The following SRD5A2 variants were observed in gnomAD, a reference collection of about 807,000 sequenced individuals.
SRD5A2 encodes the protein steroid 5 alpha-reductase 2.
A neutral mutation model predicts 27.4 loss-of-function variants in SRD5A2; 30 were observed. That is an observed-to-expected ratio of 1.10 (90% CI 0.82 to 1.49). The LOEUF is 1.49. Among genes scored for constraint, SRD5A2 ranks in the 40% most tolerant of loss-of-function variants. SRD5A2 has a pLI of 0.00. For missense variants in SRD5A2, 348 were observed against 323.4 expected (o/e 1.08, Z -0.58); for synonymous variants, 141 against 133.6 (o/e 1.06, Z -0.38).
chr2:31,563,178 C>T (rs1266799542), intron 1 of SRD5A2: 1 of 152,004 alleles, frequency 6.6e-6, no homozygotes, highest in Non-Finnish European at 1.5e-5. Flanking sequence ...AAATACGTCC[C>T]AAAGCATTAC....
the SRD5A2 span, among the ~76,000 whole-genome samples, chr2:31,603,279 G>A: frequency 5.7e-3 from 868 of 152,098 alleles, 6 homozygotes; most frequent in Non-Finnish European, 7.8e-3. Flanking sequence ...CATACATGCT[G>A]TCAACATACA....
rs79861562 is a variant in SRD5A2 at position 31,550,267 on chromosome 2, T to C, written c.282-16501A>G. Among the ~76,000 whole-genome samples, 279 of 152,136 alleles carry C rather than the reference T, an allele frequency of 1.8e-3. 1 individual carries two copies. The highest frequency in any genetic ancestry group is 6.6e-3 in the African/African-American group (273 of 41,562). Reference sequence around the variant, plus strand: ...TTTCAATATCCCCAAAATAGAGATATCCTTGTCCAGATGGCTTTACTGCAG... The same window carrying C: ...TTTCAATATCCCCAAAATAGAGATACCCTTGTCCAGATGGCTTTACTGCAG... On this transcript the variant is annotated intron_variant, in intron 1 of 4. Coordinates refer to ENST00000622030, the MANE Select transcript of SRD5A2 (RefSeq NM_000348.4).
upstream of SRD5A2, among the ~76,000 whole-genome samples, chr2:31,585,601 G>A (rs989340339): frequency 6.6e-6 from 1 of 152,110 alleles, no homozygotes; most frequent in African/African-American, 2.4e-5. Context: ...TCATGGCAGC[G>A]TTCATCACCT....
the SRD5A2 span, among the ~76,000 whole-genome samples, chr2:31,631,426 C>T: frequency 6.6e-6 from 1 of 152,072 alleles, no homozygotes; most frequent in Non-Finnish European, 1.5e-5. Context: ...ACGACTAATG[C>T]TTATTGGAAA....
Position 31,580,776 on chromosome 2 carries a change from G to T in SRD5A2, c.125C>A (p.Pro42Gln), listed in dbSNP as rs750200112. The change falls in exon 1 of 5, where the codon CCG (proline) becomes CAG (glutamine). Residue 42 changes from proline to glutamine, a missense_variant. By Grantham distance (76) the Pro-to-Gln change is moderately conservative. Coordinates refer to ENST00000622030, the MANE Select transcript of SRD5A2 (RefSeq NM_000348.4). The part of the protein sequence containing the change: ...GYGKHTESLK[P>Q]AATRLPARAA... ...GCGGGCTGGCAGGCGGGTAGCCGCC[G>T]GCTTCAGGCTCTCCGTGTGCTTCCC... The T allele has an allele frequency of 5.6e-6, 9 of 1,611,544 alleles. No homozygotes were observed. The highest frequency in any genetic ancestry group is 7.6e-6 in the Non-Finnish European group (9 of 1,179,620).
At chr2:31,627,101 C>T in the SRD5A2 span, among the ~76,000 whole-genome samples, 1 of 152,058 alleles carries the variant, frequency 6.6e-6, no homozygotes, top group East Asian at 1.9e-4. Flanking sequence ...GTGTATGTGT[C>T]CAGGAATGTA....
At position 31,522,654 on chromosome 2, in the gene SRD5A2, G is replaced by A. The variant is rs147663742; in HGVS notation, c.*3542C>T. ...TCTTACTTAGAAATTAAATCCACTC[G>A]ATGGCTTATTAAATCACCCAAGAAC... On this transcript the variant is annotated 3_prime_UTR_variant, in exon 5 of 5. Coordinates refer to ENST00000622030, the MANE Select transcript of SRD5A2 (RefSeq NM_000348.4). 2.7e-3 allele frequency: 604 copies of A among 220,302 alleles called. 4 individuals carry two copies. Among genetic ancestry groups the A allele is most frequent in the African/African-American group, 0.013 (583 of 44,692 alleles). The allele number at this position is 220,302 out of a possible 1,614,324, so 13.6% of individuals were successfully genotyped here. A position where few individuals can be genotyped will look rare whatever the true frequency, so the allele number is the denominator to read the frequency against.
chr2:31,567,109 C>A (rs978702636), intron 1 of SRD5A2, among the ~76,000 whole-genome samples: 3 of 152,066 alleles, frequency 2.0e-5, no homozygotes, highest in Admixed American at 2.0e-4. Context: ...AATCAATCCC[C>A]AATTGTAGAG....
the SRD5A2 span, among the ~76,000 whole-genome samples, chr2:31,656,347 T>C: frequency 6.6e-6 from 1 of 152,208 alleles, no homozygotes; most frequent in East Asian, 1.9e-4. Context: ...CTCAACCTCC[T>C]TTGATCATCC....
intron 1 of SRD5A2, among the ~76,000 whole-genome samples, chr2:31,559,834 AC>A (rs748694557): frequency 0.59 from 79,788 of 136,380 alleles, 22,570 homozygotes; most frequent in Admixed American, 0.61. Flanking sequence ...AAGTAAACAA[AC>A]CCACACACAC....
In SRD5A2 at chr2:31,541,511, G is replaced by T. The variant is rs1315769409; in HGVS notation, c.282-7745C>A. 2.0e-5 allele frequency among the ~76,000 whole-genome samples: 3 copies of T among 152,210 alleles called. No individual in the cohort carries two copies. The East Asian group carries it at 5.8e-4, about 29-fold the overall frequency. On this transcript the variant is annotated intron_variant, in intron 1 of 4. Transcript: ENST00000622030. The stretch of plus-strand genomic sequence containing the variant: ...ACTTTAAGAACTGGAAAAGAGGGAG[G>T]GTGGAGCAAGATGGCCAAACTGAAC...
At chr2:31,599,928 C>T in the SRD5A2 span, among the ~76,000 whole-genome samples, 1 of 107,486 alleles carries the variant, frequency 9.3e-6, no homozygotes. Flanking sequence ...TATTTAATCA[C>T]CCGGGTATTA....
chr2:31,526,693 C>G (rs949889797), intron 4 of SRD5A2, among the ~76,000 whole-genome samples: 2 of 152,064 alleles, frequency 1.3e-5, no homozygotes, highest in African/African-American at 4.8e-5. Flanking sequence ...AGGAAAATAT[C>G]CCTTCATGAG....
chr2:31,546,516 T>C (rs12477492), intron 1 of SRD5A2, among the ~76,000 whole-genome samples: 152,343 of 152,344 alleles, frequency 1, 76,171 homozygotes, highest in Non-Finnish European at 1. Context: ...AGGCCTTTAT[T>C]CAAAGCCAAA....
the SRD5A2 span, among the ~76,000 whole-genome samples, chr2:31,624,629 T>C: frequency 2.0e-5 from 3 of 152,124 alleles, no homozygotes; most frequent in South Asian, 4.1e-4. Context: ...GTCCTTGCGA[T>C]AGTTTGCTGA....
At chr2:31,659,605 C>T in the SRD5A2 span, among the ~76,000 whole-genome samples, 1 of 152,044 alleles carries the variant, frequency 6.6e-6, no homozygotes, top group East Asian at 1.9e-4. Context: ...GAATAAAATA[C>T]CTAGGAATAC....
At chr2:31,577,778 C>G (rs1274045015) in intron 1 of SRD5A2, among the ~76,000 whole-genome samples, 1 of 152,084 alleles carries the variant, frequency 6.6e-6, no homozygotes, top group Non-Finnish European at 1.5e-5. Context: ...ACTCCTTAAG[C>G]CTCGAAACAG....
the SRD5A2 span, among the ~76,000 whole-genome samples, chr2:31,586,204 CT>C: frequency 6.6e-6 from 1 of 152,120 alleles, no homozygotes; most frequent in Non-Finnish European, 1.5e-5. Context: ...CCCTCTCACA[CT>C]TTCCCCCGAG....
chr2:31,624,164 G>A, the SRD5A2 span, among the ~76,000 whole-genome samples: 2 of 151,862 alleles, frequency 1.3e-5, no homozygotes, highest in Non-Finnish European at 2.9e-5. Flanking sequence ...ATACAGGCAT[G>A]GAATGCATAA....
Sources: allele counts gnomAD v4.1 joint callset (sites outside exome capture counted in the v4.1 genomes callset), GRCh38; gene constraint gnomAD v4.1.1; transcripts MANE v1.5; gene names NCBI Gene and HGNC (gene_info 2026-07-23, HGNC 2026-07-21).